HS3ST4: variants seen among roughly 807,000 people sequenced by gnomAD.
HS3ST4 encodes heparan sulfate glucosamine 3-O-sulfotransferase 4.
HS3ST4 carries 17 observed loss-of-function variants against 29.2 expected under a neutral mutation model. The ratio of observed to expected loss-of-function variants is 0.58; its 90% CI spans 0.40 to 0.87. HS3ST4 has a LOEUF of 0.87. Among genes scored for constraint, HS3ST4 ranks in the 40% least tolerant of loss-of-function variants. The probability of loss-of-function intolerance (pLI) is 0.00; values close to 1 mark genes in which losing one functional copy is unlikely to be tolerated. For synonymous variants in HS3ST4, 314 were observed against 285.7 expected, an observed-to-expected ratio of 1.10 and a Z score of -1.00; for missense variants, 627 against 634.5, an observed-to-expected ratio of 0.99 and a Z score of 0.13.
intron 1 of HS3ST4, among the ~76,000 whole-genome samples, chr16:25,879,060 T>G (rs1308803542): frequency 6.6e-6 from 1 of 152,216 alleles, no homozygotes; most frequent in African/African-American, 2.4e-5. Flanking sequence ...CTGAAGCATC[T>G]GAGCCAAATT....
At chr16:25,876,682 G>A (rs1057080895) in intron 1 of HS3ST4, among the ~76,000 whole-genome samples, 5 of 152,120 alleles carry the variant, frequency 3.3e-5, no homozygotes, top group African/African-American at 1.2e-4. Context: ...TGGGAATGGA[G>A]GGGTGGTCTC....
At chr16:25,817,608 A>C (rs1967107017) in intron 1 of HS3ST4, among the ~76,000 whole-genome samples, 1 of 152,250 alleles carries the variant, frequency 6.6e-6, no homozygotes, top group Non-Finnish European at 1.5e-5. Flanking sequence ...GAGAAAGTAT[A>C]ACGTGGCAGT....
chr16:25,719,835 T>A (rs1015340730), intron 1 of HS3ST4, among the ~76,000 whole-genome samples: 3 of 152,212 alleles, frequency 2.0e-5, no homozygotes, highest in African/African-American at 7.2e-5. Flanking sequence ...ATCCATTTAT[T>A]TTTTTAAAAT....
intron 1 of HS3ST4, among the ~76,000 whole-genome samples, chr16:25,741,258 CTTT>C (rs913580488): frequency 2.7e-5 from 4 of 147,424 alleles, no homozygotes; most frequent in African/African-American, 1.0e-4. Flanking sequence ...ACTCCTCAGT[CTTT>C]TTTGTTTTGT....
intron 1 of HS3ST4, among the ~76,000 whole-genome samples, chr16:25,853,855 G>A (rs1210950919): frequency 6.6e-6 from 1 of 152,062 alleles, no homozygotes; most frequent in East Asian, 1.9e-4. Context: ...GTATCAGGGT[G>A]GTGCTAGTCT....
At chr16:25,981,268 C>G (rs1455196902) in intron 1 of HS3ST4, among the ~76,000 whole-genome samples, 1 of 151,540 alleles carries the variant, frequency 6.6e-6, no homozygotes, top group Non-Finnish European at 1.5e-5. Context: ...ACCCAGGAGG[C>G]GGAGGTTGCA....
chr16:26,069,036 C>T (rs1898572690), intron 1 of HS3ST4, among the ~76,000 whole-genome samples: 1 of 152,214 alleles, frequency 6.6e-6, no homozygotes, highest in African/African-American at 2.4e-5. Context: ...ACTGCAGCCT[C>T]AACCTCCTGG....
intron 1 of HS3ST4, among the ~76,000 whole-genome samples, chr16:25,832,745 T>C (rs1967317193): frequency 1.3e-5 from 2 of 152,242 alleles, no homozygotes; most frequent in Non-Finnish European, 2.9e-5. Flanking sequence ...CAAAAAGTAC[T>C]GATTACCTTA....
At position 26,032,244 on chromosome 16, in the gene HS3ST4, G is replaced by C. The variant is rs1396306153; in HGVS notation, c.735-103368G>C. Among the ~76,000 whole-genome samples, 48 of 152,214 alleles carry C rather than the reference G, an allele frequency of 3.2e-4. 1 individual carries two copies. The highest frequency in any genetic ancestry group is 1.0e-4 in the Non-Finnish European group (7 of 68,014). ...TATACCACAAGGCTTTTGTGCCAAG[G>C]TGGCCATGTGTGTCAAAGTCAGGGA... is the stretch of plus-strand genomic sequence containing the variant. On this transcript the variant is annotated intron_variant, in intron 1 of 1. Coordinates refer to ENST00000331351, the MANE Select transcript of HS3ST4 (RefSeq NM_006040.3).
intron 1 of HS3ST4, among the ~76,000 whole-genome samples, chr16:25,748,257 C>T (rs4302038): frequency 0.88 from 134,234 of 152,036 alleles, 59,432 homozygotes; most frequent in Middle Eastern, 0.93. Context: ...CCCCTCCCCC[C>T]CTTTAAAATG....
In HS3ST4 at chr16:25,692,867, C is replaced by T. The variant is rs1329019349; in HGVS notation, c.450C>T (p.Ile150=). The change falls in exon 1 of 2, where the codon ATC becomes ATT. Residue 150 remains isoleucine (I), a synonymous_variant. Coordinates refer to ENST00000331351, the MANE Select transcript of HS3ST4 (RefSeq NM_006040.3). ...LRTPLAPSEM[I]TAQSALPERE... The stretch of plus-strand genomic sequence containing the variant: ...CCCCGCTGGCCCCCAGCGAGATGAT[C>T]ACGGCTCAGAGCGCGCTGCCGGAGA... The T allele has an allele frequency of 6.6e-7, 1 of 1,517,048 alleles. No individual in the cohort carries two copies. Among genetic ancestry groups the T allele is most frequent in the Non-Finnish European group, 8.8e-7 (1 of 1,132,086 alleles). 94.0% of individuals were successfully genotyped at this position (1,517,048 alleles called of 1,614,324 possible).
At chr16:25,884,282 A>G (rs566515257) in intron 1 of HS3ST4, among the ~76,000 whole-genome samples, 6 of 152,174 alleles carry the variant, frequency 3.9e-5, no homozygotes, top group Non-Finnish European at 8.8e-5. Context: ...TCACTTTACC[A>G]GGGATGCCTT....
At chr16:26,096,627 A>T (rs376944727) in intron 1 of HS3ST4, among the ~76,000 whole-genome samples, 3 of 152,194 alleles carry the variant, frequency 2.0e-5, no homozygotes, top group Non-Finnish European at 4.4e-5. Flanking sequence ...TGACAATCCC[A>T]CAGCCATTAT....
At chr16:25,838,000 G>A (rs9924017) in intron 1 of HS3ST4, among the ~76,000 whole-genome samples, 86,515 of 151,852 alleles carry the variant, frequency 0.57, 24,788 homozygotes, top group Middle Eastern at 0.66. Context: ...TGTTTTCCCA[G>A]TGAATAACCA....
At position 25,898,700 on chromosome 16, in the gene HS3ST4, G is replaced by A. The variant is rs184632947; in HGVS notation, c.734+205549G>A. On this transcript the variant is annotated intron_variant, in intron 1 of 1. Coordinates refer to ENST00000331351, the MANE Select transcript of HS3ST4 (RefSeq NM_006040.3). Reference sequence around the variant, plus strand: ...GATGAAAACAGAACAAAACCAAACAGTGTTATTAAATCCTCTCTGGGAGCT... The same window carrying A: ...GATGAAAACAGAACAAAACCAAACAATGTTATTAAATCCTCTCTGGGAGCT... Among the ~76,000 whole-genome samples the A allele has an allele frequency of 1.5e-3, 234 of 152,282 alleles. 2 individuals are homozygous for A. The highest frequency in any genetic ancestry group is 1.8e-3 in the Admixed American group (28 of 15,298).
At chr16:25,763,341 C>A (rs72778944) in intron 1 of HS3ST4, among the ~76,000 whole-genome samples, 3 of 152,324 alleles carry the variant, frequency 2.0e-5, no homozygotes, top group Non-Finnish European at 4.4e-5. Flanking sequence ...GGAAATGCCA[C>A]CTGATGGCTG....
chr16:26,078,291 C>T (rs534191842), intron 1 of HS3ST4, among the ~76,000 whole-genome samples: 18 of 152,150 alleles, frequency 1.2e-4, no homozygotes, highest in African/African-American at 3.9e-4. Flanking sequence ...CAGGCGCCCA[C>T]GACCACATCC....
intron 1 of HS3ST4, among the ~76,000 whole-genome samples, chr16:25,781,604 G>A (rs971849692): frequency 2.0e-5 from 3 of 152,056 alleles, no homozygotes; most frequent in Admixed American, 6.6e-5. Flanking sequence ...AGGAGCTGCC[G>A]TTACCTGCAT....
chr16:25,946,469 C>G (rs769692215), intron 1 of HS3ST4, among the ~76,000 whole-genome samples: 9 of 152,146 alleles, frequency 5.9e-5, no homozygotes, highest in Non-Finnish European at 8.8e-5. Context: ...CCAGAGTAAT[C>G]CATTGTCTTC....
Sources: allele counts gnomAD v4.1 joint callset (sites outside exome capture counted in the v4.1 genomes callset), GRCh38; gene constraint gnomAD v4.1.1; transcripts MANE v1.5; gene names NCBI Gene and HGNC (gene_info 2026-07-23, HGNC 2026-07-21).